The following RBKS variants were observed in gnomAD, a reference collection of about 807,000 sequenced individuals.
RBKS encodes the protein ribokinase.
In RBKS, 33 loss-of-function variants were observed where a neutral mutation model predicts 33.9. The ratio of observed to expected loss-of-function variants is 0.97; its 90% CI spans 0.74 to 1.30. RBKS has a LOEUF of 1.30. Ranked by LOEUF, RBKS falls within the 50% of genes most tolerant of loss-of-function variation. RBKS has a pLI of 0.00. For missense variants in RBKS, 361 were observed against 392.6 expected (o/e 0.92, Z 0.68); for synonymous variants, 125 against 143.0 (o/e 0.87, Z 0.90).
intron 2 of RBKS, among the ~76,000 whole-genome samples, chr2:27,850,307 A>T (rs1033955275): frequency 6.6e-6 from 1 of 152,244 alleles, no homozygotes; most frequent in African/African-American, 2.4e-5. Context: ...GTTACAACTG[A>T]TAAACCTACA....
At chr2:27,835,678 G>C (rs1189865016) in intron 5 of RBKS, among the ~76,000 whole-genome samples, 1 of 150,396 alleles carries the variant, frequency 6.6e-6, no homozygotes, top group Non-Finnish European at 1.5e-5. Context: ...TCACACCTTG[G>C]CCTCCCAAAA....
intron 7 of RBKS, among the ~76,000 whole-genome samples, chr2:27,788,896 A>C (rs961248388): frequency 2.6e-5 from 4 of 152,220 alleles, no homozygotes; most frequent in African/African-American, 4.8e-5. Context: ...TGGAAAACTC[A>C]ATATTCTTAA....
rs1234914533 is a variant in RBKS, at chr2:27,860,850, A to G, written c.90-2279T>C. Among the ~76,000 whole-genome samples the G allele has an allele frequency of 2.0e-5, 3 of 152,168 alleles. No homozygotes were observed. The East Asian group carries it at 5.8e-4, about 29-fold the overall frequency. ...TTTCCCTGCATGAGGACAGGGACCA[A>G]GTCTGTCATGTTCTCCATTTTATGC... On this transcript the variant is annotated intron_variant, in intron 1 of 7. Coordinates refer to ENST00000302188, the MANE Select transcript of RBKS (RefSeq NM_022128.3).
intron 1 of RBKS, among the ~76,000 whole-genome samples, chr2:27,872,484 T>A (rs1449085828): frequency 6.6e-6 from 1 of 151,776 alleles, no homozygotes; most frequent in Non-Finnish European, 1.5e-5. Context: ...AAAACAAACC[T>A]GGATAGCTTT....
At chr2:27,839,486 G>A (rs908643628) in intron 5 of RBKS, among the ~76,000 whole-genome samples, 9 of 152,124 alleles carry the variant, frequency 5.9e-5, no homozygotes, top group Non-Finnish European at 8.8e-5. Context: ...TTTTGGTGTT[G>A]TAGCTACTAT....
intron 1 of RBKS, among the ~76,000 whole-genome samples, chr2:27,871,855 C>A (rs1055693523): frequency 1.3e-5 from 2 of 152,186 alleles, no homozygotes; most frequent in African/African-American, 4.8e-5. Context: ...GCAGTCAAAC[C>A]TCTCTGCTAA....
chr2:27,889,970 G>A (rs1212642918), intron 1 of RBKS: 1 of 333,846 alleles, frequency 3.0e-6, no homozygotes, highest in South Asian at 8.1e-5. Flanking sequence ...AAGGTCTTTG[G>A]GGGCGCAAGT....
intron 1 of RBKS, among the ~76,000 whole-genome samples, chr2:27,886,974 A>T (rs1157796372): frequency 6.6e-6 from 1 of 152,180 alleles, no homozygotes; most frequent in Admixed American, 6.5e-5. Flanking sequence ...GGTAGCAAAA[A>T]TAACATACTC....
chr2:27,803,789 G>A (rs1209602115), intron 7 of RBKS, among the ~76,000 whole-genome samples: 1 of 152,070 alleles, frequency 6.6e-6, no homozygotes, highest in African/African-American at 2.4e-5. Flanking sequence ...ACTCACGCCT[G>A]TAATCCCAGC....
chr2:27,801,949 GGAAA>G (rs1399082868), intron 7 of RBKS, among the ~76,000 whole-genome samples: 45 of 54,736 alleles, frequency 8.2e-4, no homozygotes, highest in African/African-American at 2.7e-3. Context: ...GAGTAGCTGG[GGAAA>G]AAAAAAAAAA....
intron 7 of RBKS, among the ~76,000 whole-genome samples, chr2:27,794,125 C>T (rs1206995535): frequency 1.3e-5 from 2 of 151,686 alleles, no homozygotes; most frequent in African/African-American, 4.8e-5. Flanking sequence ...CATGGAGAAA[C>T]CCCATCTCTA....
At chr2:27,789,942 T>G (rs1203978191) in intron 7 of RBKS, among the ~76,000 whole-genome samples, 2 of 116,166 alleles carry the variant, frequency 1.7e-5, no homozygotes, top group African/African-American at 6.8e-5. Flanking sequence ...TATATATATG[T>G]ATATGTGTAT....
intron 7 of RBKS, among the ~76,000 whole-genome samples, chr2:27,804,914 G>T (rs1053890998): frequency 9.9e-5 from 15 of 151,922 alleles, no homozygotes; most frequent in Non-Finnish European, 2.9e-5. Flanking sequence ...GTGGTCCCAG[G>T]TACTCTGGAG....
chr2:27,783,507 T>C (rs1444025209), intron 7 of RBKS, among the ~76,000 whole-genome samples: 1 of 152,202 alleles, frequency 6.6e-6, no homozygotes, highest in African/African-American at 2.4e-5. Flanking sequence ...GAAAACGTCC[T>C]GAGAAAGTCT....
chr2:27,855,422 GTTCCTTAC>G (rs1663837352), intron 2 of RBKS, among the ~76,000 whole-genome samples: 1 of 152,176 alleles, frequency 6.6e-6, no homozygotes, highest in Admixed American at 6.5e-5. Context: ...TGCATCTTGA[GTTCCTTAC>G]TTGACCATGG....
At chr2:27,835,204 A>T (rs1295025425) in intron 5 of RBKS, among the ~76,000 whole-genome samples, 1 of 149,684 alleles carries the variant, frequency 6.7e-6, no homozygotes, top group Non-Finnish European at 1.5e-5. Context: ...TGAACCCGGG[A>T]GGTGGAGGCT....
chr2:27,789,157 T>C (rs1441620582), intron 7 of RBKS, among the ~76,000 whole-genome samples: 2 of 152,180 alleles, frequency 1.3e-5, no homozygotes, highest in Admixed American at 6.5e-5. Context: ...AGAGTCCAGA[T>C]ACAGACCCAC....
chr2:27,804,197 G>C (rs1270500508), intron 7 of RBKS, among the ~76,000 whole-genome samples: 3 of 151,908 alleles, frequency 2.0e-5, no homozygotes, highest in Non-Finnish European at 2.9e-5. Flanking sequence ...TTAGCTATTG[G>C]ATTTAAAAAA....
At chr2:27,849,091 A>G (rs1663681509) in intron 2 of RBKS, among the ~76,000 whole-genome samples, 1 of 152,220 alleles carries the variant, frequency 6.6e-6, no homozygotes, top group Non-Finnish European at 1.5e-5. Context: ...AGGGTGACAG[A>G]CACAAACAGA....
Sources: allele counts gnomAD v4.1 joint callset (sites outside exome capture counted in the v4.1 genomes callset), GRCh38; gene constraint gnomAD v4.1.1; transcripts MANE v1.5; gene names NCBI Gene and HGNC (gene_info 2026-07-23, HGNC 2026-07-21).